Variants in MOB3B observed in about 807,000 individuals in gnomAD.
The protein encoded by MOB3B is MOB kinase activator-like 2B.
In MOB3B, 7 loss-of-function variants were observed where a neutral mutation model predicts 18.7. That is an observed-to-expected ratio of 0.37 (90% CI 0.21 to 0.70). MOB3B has a LOEUF of 0.70. MOB3B is among the 30% of genes least tolerant of loss of function. The pLI is 0.52. For synonymous variants in MOB3B, 111 were observed against 99.9 expected, an observed-to-expected ratio of 1.11 and a Z score of -0.66; for missense variants, 253 against 281.3, an observed-to-expected ratio of 0.90 and a Z score of 0.72.
chr9:27,443,606 A>G (rs533227077), intron 2 of MOB3B, among the ~76,000 whole-genome samples: 16 of 152,280 alleles, frequency 1.1e-4, no homozygotes, highest in South Asian at 2.1e-4. Context: ...GAAGAATTCA[A>G]GTTAGTCCAA....
At chr9:27,459,876 C>CAAAAAAAAAAAAA (rs35792761) in intron 1 of MOB3B, among the ~76,000 whole-genome samples, 1 of 86,742 alleles carries the variant, frequency 1.2e-5, no homozygotes, top group African/African-American at 4.5e-5. Flanking sequence ...TTTCAGTCTC[C>CAAAAAAAAAAAAA]AAAAAAAAAA....
intron 1 of MOB3B, among the ~76,000 whole-genome samples, chr9:27,467,261 AC>A (rs1394495995): frequency 6.6e-6 from 1 of 152,114 alleles, no homozygotes; most frequent in Non-Finnish European, 1.5e-5. Flanking sequence ...TTGACCAGTT[AC>A]CCTTGTGGGC....
intron 1 of MOB3B, among the ~76,000 whole-genome samples, chr9:27,477,989 T>C (rs1320747359): frequency 6.6e-6 from 1 of 152,064 alleles, no homozygotes; most frequent in Non-Finnish European, 1.5e-5. Context: ...CTGCTCCAAG[T>C]AGCTCAGGGA....
At chr9:27,387,405 G>C (rs900256585) in intron 2 of MOB3B, among the ~76,000 whole-genome samples, 1 of 152,166 alleles carries the variant, frequency 6.6e-6, no homozygotes, top group Non-Finnish European at 1.5e-5. Context: ...CAGCTTTGCT[G>C]TTTCCCTGTG....
intron 1 of MOB3B, among the ~76,000 whole-genome samples, chr9:27,462,541 A>G (rs1328960333): frequency 6.6e-6 from 1 of 152,196 alleles, no homozygotes; most frequent in Non-Finnish European, 1.5e-5. Context: ...AAGTATTTTT[A>G]CTTTATAAAG....
chr9:27,435,420 GGTAGA>G (rs1822484529), intron 2 of MOB3B, among the ~76,000 whole-genome samples: 1 of 152,056 alleles, frequency 6.6e-6, no homozygotes, highest in African/African-American at 2.4e-5. Context: ...AGCTATGAAA[GGTAGA>G]GTAGAGAGAA....
intron 2 of MOB3B, among the ~76,000 whole-genome samples, chr9:27,387,602 T>A (rs80263637): frequency 6.6e-6 from 1 of 152,228 alleles, no homozygotes; most frequent in African/African-American, 2.4e-5. Context: ...ATCATTATCA[T>A]AATTACCATC....
chr9:27,494,702 A>G (rs1050489121), intron 1 of MOB3B, among the ~76,000 whole-genome samples: 2 of 151,966 alleles, frequency 1.3e-5, no homozygotes, highest in African/African-American at 4.8e-5. Flanking sequence ...TTTAATAGAG[A>G]CGGGGTTTCA....
At chr9:27,360,261 T>C (rs555125503) in intron 2 of MOB3B, among the ~76,000 whole-genome samples, 83 of 152,250 alleles carry the variant, frequency 5.5e-4, no homozygotes, top group African/African-American at 2.0e-3. Flanking sequence ...TCCAGCACTT[T>C]GGGAGGCTGA....
intron 2 of MOB3B, among the ~76,000 whole-genome samples, chr9:27,404,661 T>C (rs1372923080): frequency 6.6e-6 from 1 of 152,124 alleles, no homozygotes; most frequent in Non-Finnish European, 1.5e-5. Context: ...CCTGGCTAAT[T>C]AAACCACATT....
chr9:27,529,787 G>A lies in MOB3B; in HGVS notation c.-431C>T, dbSNP rs1325205906. 3 of 985,248 alleles carry A rather than the reference G, an allele frequency of 3.0e-6. No homozygotes were observed. Among genetic ancestry groups the A allele is most frequent in the South Asian group, 4.7e-5 (1 of 21,292 alleles). The allele number at this position is 985,248 out of a possible 1,614,324, so 61.0% of individuals were successfully genotyped here. A position where few individuals can be genotyped will look rare whatever the true frequency, so the allele number is the denominator to read the frequency against. ...GGAGCAGCCCCCTCATGCACCCAGCGCGCCGCGCAGCCGGCCGGGGCTCGA... is the reference window on the plus strand; with the variant it reads ...GGAGCAGCCCCCTCATGCACCCAGCACGCCGCGCAGCCGGCCGGGGCTCGA... On this transcript the variant is annotated 5_prime_UTR_variant, in exon 1 of 4. Transcript: ENST00000262244.
At position 27,472,785 on chromosome 9, in the gene MOB3B, G is replaced by A. The variant is rs574720518; in HGVS notation, c.-198-17037C>T. Among the ~76,000 whole-genome samples the A allele has an allele frequency of 6.6e-5, 10 of 151,588 alleles. No homozygotes were observed. The South Asian group carries it at 2.1e-3, about 32-fold the overall frequency. On this transcript the variant is annotated intron_variant, in intron 1 of 3. Coordinates refer to ENST00000262244, the MANE Select transcript of MOB3B (RefSeq NM_024761.5). ...ATTCCTTTTGGAAAAAGGTGGTGGA[G>A]GATTCCATAAAAACTCTGATAATCA...
At chr9:27,465,661 C>T (rs1456158053) in intron 1 of MOB3B, among the ~76,000 whole-genome samples, 1 of 152,206 alleles carries the variant, frequency 6.6e-6, no homozygotes, top group Non-Finnish European at 1.5e-5. Flanking sequence ...AAACTTTTGC[C>T]TGGGTATCCA....
intron 1 of MOB3B, among the ~76,000 whole-genome samples, chr9:27,485,282 C>T (rs138847117): frequency 6.6e-5 from 10 of 152,264 alleles, no homozygotes; most frequent in African/African-American, 2.2e-4. Context: ...CCAACAACAA[C>T]CTGGCAAGGT....
intron 1 of MOB3B, among the ~76,000 whole-genome samples, chr9:27,519,946 C>T (rs954787260): frequency 6.6e-6 from 1 of 151,988 alleles, no homozygotes; most frequent in Admixed American, 6.6e-5. Flanking sequence ...GATGACCATC[C>T]TCTGCATGCC....
intron 2 of MOB3B, among the ~76,000 whole-genome samples, chr9:27,392,274 G>A (rs561092361): frequency 2.0e-5 from 3 of 152,246 alleles, no homozygotes; most frequent in Admixed American, 6.5e-5. Context: ...GGTAATTCTT[G>A]AACATCATTG....
At chr9:27,491,793 A>G (rs189577268) in intron 1 of MOB3B, among the ~76,000 whole-genome samples, 1,584 of 152,296 alleles carry the variant, frequency 0.01, 33 homozygotes, top group African/African-American at 0.036. Context: ...GAATGGCGTG[A>G]ACCAGGAAGG....
At chr9:27,384,800 G>T (rs909890458) in intron 2 of MOB3B, among the ~76,000 whole-genome samples, 4 of 152,190 alleles carry the variant, frequency 2.6e-5, no homozygotes, top group African/African-American at 9.7e-5. Context: ...CCAGTGAGTA[G>T]CATCAGGAAC....
At chr9:27,476,515 C>T (rs749887289) in intron 1 of MOB3B, among the ~76,000 whole-genome samples, 6 of 152,146 alleles carry the variant, frequency 3.9e-5, no homozygotes, top group Non-Finnish European at 7.3e-5. Context: ...GAGGCCCACC[C>T]GACTCCAGTA....
Sources: gnomAD v4.1 joint callset for allele counts (sites outside exome capture counted in the v4.1 genomes callset) on GRCh38, gnomAD v4.1.1 for gene constraint, MANE v1.5 for transcripts, NCBI Gene and HGNC (gene_info 2026-07-23, HGNC 2026-07-21) for gene names.